Variants in SP100 observed in about 807,000 individuals in gnomAD.
The protein encoded by SP100 is SP100 nuclear body protein.
SP100 carries 84 observed loss-of-function variants against 130.0 expected under a neutral mutation model. The ratio of observed to expected loss-of-function variants is 0.65; its 90% CI spans 0.54 to 0.77. The LOEUF is 0.77. Among genes scored for constraint, SP100 ranks in the 30% least tolerant of loss-of-function variants. The probability of loss-of-function intolerance (pLI) is 0.00; values close to 1 mark genes in which losing one functional copy is unlikely to be tolerated. For missense variants in SP100, 978 were observed against 1,052.2 expected, an observed-to-expected ratio of 0.93 and a Z score of 0.97; for synonymous variants, 331 against 351.7, an observed-to-expected ratio of 0.94 and a Z score of 0.66.
intron 17 of SP100, among the ~76,000 whole-genome samples, chr2:230,480,358 A>C (rs1459928006): frequency 2.0e-5 from 3 of 152,248 alleles, no homozygotes; most frequent in Admixed American, 6.5e-5. Flanking sequence ...AGCAAAGAAA[A>C]AACATTAAAA....
chr2:230,416,587 G>C (rs527650838), intron 1 of SP100, among the ~76,000 whole-genome samples: 3 of 152,136 alleles, frequency 2.0e-5, no homozygotes, highest in Non-Finnish European at 4.4e-5. Flanking sequence ...TCAGCTGACC[G>C]GGACACTCTA....
Position 230,512,420 on chromosome 2 carries a change from G to C in SP100, c.2094+1254G>C, listed in dbSNP as rs190868335. ...TTCTCCTGCCTCAGCCTCCCAAGTA[G>C]CTGGGACTACAGGTGTGTGCCACCA... On this transcript the variant is annotated intron_variant, in intron 24 of 28. Coordinates refer to ENST00000340126, the MANE Select transcript of SP100 (RefSeq NM_001080391.2). Among the ~76,000 whole-genome samples, 1,002 of 151,142 alleles carry C rather than the reference G, an allele frequency of 6.6e-3. 16 individuals carry two copies. Among genetic ancestry groups the C allele is most frequent in the African/African-American group, 0.022 (894 of 41,236 alleles).
chr2:230,443,654 A>C (rs1359878148), intron 3 of SP100, among the ~76,000 whole-genome samples: 3 of 152,018 alleles, frequency 2.0e-5, no homozygotes, highest in Middle Eastern at 6.8e-3. Flanking sequence ...GCATTTCTGG[A>C]GTCTTGGAAT....
intron 2 of SP100, among the ~76,000 whole-genome samples, chr2:230,430,414 G>T (rs1310552072): frequency 6.6e-6 from 1 of 152,208 alleles, no homozygotes; most frequent in African/African-American, 2.4e-5. Flanking sequence ...CCACAGTTGG[G>T]TGTTGCCACT....
chr2:230,440,206 G>T (rs1397865547), intron 2 of SP100, among the ~76,000 whole-genome samples: 1 of 151,998 alleles, frequency 6.6e-6, no homozygotes, highest in Non-Finnish European at 1.5e-5. Context: ...TGTTTGGAAA[G>T]AAACAGTAAG....
At chr2:230,479,952 TCTGA>T (rs1182363408) in intron 17 of SP100, among the ~76,000 whole-genome samples, 1 of 152,236 alleles carries the variant, frequency 6.6e-6, no homozygotes, top group African/African-American at 2.4e-5. Context: ...TGGCTTACTC[TCTGA>T]CTTTTTGTCA....
chr2:230,530,119 C>G (rs941404675), intron 24 of SP100, among the ~76,000 whole-genome samples: 5 of 152,150 alleles, frequency 3.3e-5, no homozygotes, highest in Admixed American at 2.6e-4. Context: ...CCCACATAGC[C>G]AGAACAATCC....
chr2:230,475,151 A>G (rs146298434), intron 17 of SP100, among the ~76,000 whole-genome samples: 315 of 152,224 alleles, frequency 2.1e-3, no homozygotes, highest in African/African-American at 7.2e-3. Context: ...TTACCCTCCC[A>G]CCAACAGTGT....
Position 230,450,180 on chromosome 2 carries a change from GA to G in SP100, c.747del (p.Glu249AspfsTer7), listed in dbSNP as rs1559494759. The G allele has an allele frequency of 6.2e-7, 1 of 1,613,158 alleles. No homozygotes were observed. Among genetic ancestry groups the G allele is most frequent in the Non-Finnish European group, 8.5e-7 (1 of 1,179,178 alleles). ...ATCTCGTTTATCTCCAGAGTCCTGC[GA>G]ACAAATTGCTGTCCAAGTGAATAAT... Reference protein sequence around the residue: ...AQKAEPTESCEQIAVQVNNGD... With the variant: ...AQKAEPTESCXQIAVQVNNGD... On this transcript the variant is annotated frameshift_variant, in exon 8 of 29. Transcript: ENST00000340126. LOFTEE classifies it high-confidence loss of function.
At chr2:230,482,995 G>A (rs770843181) in intron 17 of SP100, among the ~76,000 whole-genome samples, 41 of 152,148 alleles carry the variant, frequency 2.7e-4, no homozygotes, top group Non-Finnish European at 4.7e-4. Context: ...AATATTGACC[G>A]TTTCTATTCA....
At chr2:230,540,808 G>A in intron 25 of SP100, 68 bp from the exon 26 acceptor site, 1 of 1,554,462 alleles carries the variant, frequency 6.4e-7, no homozygotes, top group East Asian at 2.3e-5. Context: ...CAGAGGACTT[G>A]AACAACTGTA....
At chr2:230,445,798 T>TC (rs2063685859) in intron 4 of SP100, among the ~76,000 whole-genome samples, 1 of 152,078 alleles carries the variant, frequency 6.6e-6, no homozygotes, top group Non-Finnish European at 1.5e-5. Flanking sequence ...ACTGCAGGGA[T>TC]CCCCCTTCCT....
rs964380315 is a variant in SP100, at chr2:230,427,628, TTTTC to T, written c.107+9971_107+9974del. Among the ~76,000 whole-genome samples, 4 of 152,322 alleles carry T rather than the reference TTTTC, an allele frequency of 2.6e-5. No homozygotes were observed. The South Asian group carries it at 6.2e-4, about 24-fold the overall frequency. Reference sequence around the variant, plus strand: ...TGTTCTGACAGCTTTGTAGTACTTTTTTTCTTTCTTTTTTTCTTGTTGCCTTCCT... The same window carrying T: ...TGTTCTGACAGCTTTGTAGTACTTTTTTTCTTTTTTTCTTGTTGCCTTCCT... On this transcript the variant is annotated intron_variant, in intron 2 of 28. Coordinates refer to ENST00000340126, the MANE Select transcript of SP100 (RefSeq NM_001080391.2).
At chr2:230,504,126 G>A in intron 20 of SP100, 60 bp from the exon 21 acceptor site, 2 of 854,998 alleles carry the variant, frequency 2.3e-6, no homozygotes, top group Middle Eastern at 2.3e-4. Context: ...AGACAGGTGG[G>A]GAGGGACAAT....
chr2:230,451,986 T>G (rs1035906801), intron 8 of SP100, among the ~76,000 whole-genome samples: 1 of 152,208 alleles, frequency 6.6e-6, no homozygotes, highest in Admixed American at 6.5e-5. Flanking sequence ...TTTTGTTCCA[T>G]TTTTCTACAT....
rs1246055755 is a variant in SP100 at position 230,438,648 on chromosome 2, T to TATACACACACAC, written c.108-4288_108-4287insTACACACACACA. On this transcript the variant is annotated intron_variant, in intron 2 of 28. Coordinates refer to ENST00000340126, the MANE Select transcript of SP100 (RefSeq NM_001080391.2). The stretch of plus-strand genomic sequence containing the variant: ...AGTAGTACTCCATGGTGTATATATA[T>TATACACACACAC]ACACACACACACACACACACACACA... Among the ~76,000 whole-genome samples the TATACACACACAC allele has an allele frequency of 1.4e-3, 179 of 127,478 alleles. 2 individuals are homozygous for TATACACACACAC. The highest frequency in any genetic ancestry group is 4.1e-3 in the Middle Eastern group (1 of 242). The allele number at this position is 127,478 out of a possible 152,430, so 83.6% of individuals were successfully genotyped here. A position where few individuals can be genotyped will look rare whatever the true frequency, so the allele number is the denominator to read the frequency against.
At chr2:230,459,461 C>G (rs145727073) in intron 8 of SP100, among the ~76,000 whole-genome samples, 27 of 152,288 alleles carry the variant, frequency 1.8e-4, no homozygotes, top group African/African-American at 6.0e-4. Flanking sequence ...CAATCACCAT[C>G]TAAGATCTGT....
chr2:230,439,923 ATTT>A (rs2063416553), intron 2 of SP100, among the ~76,000 whole-genome samples: 1 of 151,774 alleles, frequency 6.6e-6, no homozygotes, highest in Admixed American at 6.6e-5. Flanking sequence ...TCTGCTTTTT[ATTT>A]TTATTTTCAG....
intron 24 of SP100, among the ~76,000 whole-genome samples, chr2:230,531,554 A>C (rs1193731709): frequency 1.3e-5 from 2 of 151,982 alleles, no homozygotes; most frequent in East Asian, 3.9e-4. Flanking sequence ...AAAAGAAAAA[A>C]GAAAAATAAA....
Sources: gnomAD v4.1 joint callset for allele counts (sites outside exome capture counted in the v4.1 genomes callset) on GRCh38, gnomAD v4.1.1 for gene constraint, MANE v1.5 for transcripts, NCBI Gene and HGNC (gene_info 2026-07-23, HGNC 2026-07-21) for gene names.